The following ANTXR1 variants were observed in gnomAD, a reference collection of about 807,000 sequenced individuals.
The protein encoded by ANTXR1 is anthrax toxin receptor 1.
ANTXR1 carries 19 observed loss-of-function variants against 78.1 expected under a neutral mutation model. That is an observed-to-expected ratio of 0.24 (90% confidence interval 0.17 to 0.36). The LOEUF is 0.36. Ranked by LOEUF, ANTXR1 falls within the 10% of genes least tolerant of loss-of-function variation. ANTXR1 has a pLI of 1.00. For missense variants in ANTXR1, 518 were observed against 718.6 expected (o/e 0.72, Z 3.19); for synonymous variants, 273 against 260.5 (o/e 1.05, Z -0.46).
intron 12 of ANTXR1, among the ~76,000 whole-genome samples, chr2:69,141,006 G>A (rs78257055): frequency 0.047 from 7,189 of 152,250 alleles, 187 homozygotes; most frequent in East Asian, 0.072. Context: ...TGGTTGATCA[G>A]CTTTGATCAA....
intron 1 of ANTXR1, among the ~76,000 whole-genome samples, chr2:69,038,852 T>C (rs138487833): frequency 1.8e-3 from 271 of 152,142 alleles, no homozygotes; most frequent in African/African-American, 6.2e-3. Context: ...CAAAGAAAAA[T>C]AAATTGCCCT....
chr2:69,164,349 T>C lies in ANTXR1; in HGVS notation c.1048-5899T>C, dbSNP rs1673769993. 2.0e-5 allele frequency among the ~76,000 whole-genome samples: 3 copies of C among 152,238 alleles called. 1 individual carries two copies. The South Asian group carries it at 6.2e-4, about 31-fold the overall frequency. ...CTGAAGAAACATTTATATGGAGGGTTAAGAGACCAGAATTGAATCTTGTAA... is the reference window on the plus strand; with the variant it reads ...CTGAAGAAACATTTATATGGAGGGTCAAGAGACCAGAATTGAATCTTGTAA... On this transcript the variant is annotated intron_variant, in intron 13 of 17. Transcript: ENST00000303714.
rs374934229 is a variant in ANTXR1, at chr2:69,013,676, C to G, written c.152+25C>G. 1.9e-5 allele frequency: 30 copies of G among 1,551,362 alleles called. No individual in the cohort carries two copies. In the East Asian group the frequency reaches 2.2e-4, roughly 11 times the overall value. ...AGTAAGTGCCGCGAGTTGTCCCCCC[C>G]ACCCCAGGCTAAGCGGGCGAAAACG... On this transcript the variant is annotated intron_variant, in intron 1 of 17. Transcript: ENST00000303714. This position sits in a 1 kb window ranked among gnomAD's most constrained non-coding sequence, Gnocchi z 5.0.
chr2:69,188,926 T>C (rs1674488425), intron 16 of ANTXR1, among the ~76,000 whole-genome samples: 1 of 152,260 alleles, frequency 6.6e-6, no homozygotes, highest in African/African-American at 2.4e-5. Context: ...GACAGACTTC[T>C]GCCTACATTC....
intron 17 of ANTXR1, among the ~76,000 whole-genome samples, chr2:69,222,984 G>A (rs575187184): frequency 1.2e-4 from 18 of 152,328 alleles, no homozygotes; most frequent in African/African-American, 4.3e-4. Context: ...AAGAATGCAC[G>A]TCTTTATGAT....
intron 12 of ANTXR1, among the ~76,000 whole-genome samples, chr2:69,139,703 G>C (rs1673018280): frequency 6.6e-6 from 1 of 152,138 alleles, no homozygotes; most frequent in South Asian, 2.1e-4. Flanking sequence ...TAAAGCAACA[G>C]CCCATGGTAT....
At chr2:69,088,115 T>C (rs1350710098) in intron 8 of ANTXR1, among the ~76,000 whole-genome samples, 1 of 152,210 alleles carries the variant, frequency 6.6e-6, no homozygotes, top group Non-Finnish European at 1.5e-5. Flanking sequence ...ACCCCTTAGA[T>C]TTATCAGCTA....
intron 12 of ANTXR1, among the ~76,000 whole-genome samples, chr2:69,151,663 CCTACAAGG>C (rs371343277): frequency 1.2e-3 from 176 of 152,282 alleles, no homozygotes; most frequent in African/African-American, 3.9e-3. Flanking sequence ...ATTCACAGAC[CCTACAAGG>C]CATCCCATCA....
At chr2:69,196,833 A>G (rs906235034) in intron 17 of ANTXR1, among the ~76,000 whole-genome samples, 1 of 152,292 alleles carries the variant, frequency 6.6e-6, no homozygotes, top group Non-Finnish European at 1.5e-5. Flanking sequence ...AAACCTGGCA[A>G]ATTTTCCTCC....
At chr2:69,058,402 G>A (rs2104151299) in intron 3 of ANTXR1, among the ~76,000 whole-genome samples, 1 of 152,132 alleles carries the variant, frequency 6.6e-6, no homozygotes. Context: ...AAATCCTAGG[G>A]CCCTTAAGAA....
At position 69,182,446 on chromosome 2, in the gene ANTXR1, G is replaced by A. The variant is rs748602549; in HGVS notation, c.1186-47G>A. Reference sequence around the variant, plus strand: ...GTATTTGTCATTCTCATTCTCGAGGGGCAGCATATTTTGTCATTTCATTTC... The same window carrying A: ...GTATTTGTCATTCTCATTCTCGAGGAGCAGCATATTTTGTCATTTCATTTC... On this transcript the variant is annotated intron_variant, in intron 15 of 17. Coordinates refer to ENST00000303714, the MANE Select transcript of ANTXR1 (RefSeq NM_032208.3). 29 of 1,604,452 alleles carry A rather than the reference G, an allele frequency of 1.8e-5. No individual in the cohort carries two copies. In the Admixed American group the frequency reaches 4.9e-4, roughly 27 times the overall value.
intron 14 of ANTXR1, chr2:69,172,372 TA>T (rs776756115): frequency 1.2e-4 from 193 of 1,610,146 alleles, no homozygotes; most frequent in Admixed American, 5.3e-4. Context: ...GGCAGGAAAA[TA>T]AAATAAAATA....
intron 14 of ANTXR1, among the ~76,000 whole-genome samples, chr2:69,171,414 A>G (rs1389156709): frequency 2.0e-5 from 3 of 152,252 alleles, no homozygotes; most frequent in African/African-American, 7.2e-5. Flanking sequence ...ATCCTTCAAG[A>G]GAAAGTACCG....
chr2:69,198,648 T>C (rs1349533350), intron 17 of ANTXR1, among the ~76,000 whole-genome samples: 2 of 152,224 alleles, frequency 1.3e-5, no homozygotes, highest in Non-Finnish European at 2.9e-5. Context: ...CAGTCAAATC[T>C]ATAAATATTT....
chr2:69,115,063 G>C (rs890340479), intron 10 of ANTXR1, among the ~76,000 whole-genome samples: 1 of 152,136 alleles, frequency 6.6e-6, no homozygotes, highest in Non-Finnish European at 1.5e-5. Flanking sequence ...GCTGGGGAGT[G>C]GGGAGGGGCC....
chr2:69,224,029 T>A (rs1253076542), intron 17 of ANTXR1, among the ~76,000 whole-genome samples: 1 of 152,240 alleles, frequency 6.6e-6, no homozygotes, highest in Non-Finnish European at 1.5e-5. Context: ...TATAACTGCA[T>A]GGCCAGGGCC....
intron 7 of ANTXR1, 152 bp downstream of exon 7, chr2:69,075,810 T>C (rs1366065617): frequency 2.5e-6 from 2 of 792,422 alleles, no homozygotes; most frequent in Non-Finnish European, 4.3e-6. Context: ...AATTACTGGT[T>C]GTGTAAGGAA....
chr2:69,112,946 AG>A (rs1440763897), intron 10 of ANTXR1, among the ~76,000 whole-genome samples: 2 of 152,210 alleles, frequency 1.3e-5, no homozygotes, highest in African/African-American at 4.8e-5. Flanking sequence ...AGAGGTAACT[AG>A]GTGGCAAGGT....
At chr2:69,046,495 T>C in intron 3 of ANTXR1, among the ~76,000 whole-genome samples, 1 of 152,226 alleles carries the variant, frequency 6.6e-6, no homozygotes, top group East Asian at 1.9e-4. Context: ...AGTCCCTGGT[T>C]TGCTGGAAGC....
Sources: allele counts gnomAD v4.1 joint callset (sites outside exome capture counted in the v4.1 genomes callset), GRCh38; gene constraint gnomAD v4.1.1; non-coding constraint Gnocchi (gnomAD v3.1); transcripts MANE v1.5; gene names NCBI Gene and HGNC (gene_info 2026-07-23, HGNC 2026-07-21).